Variants in CREB5 observed in about 807,000 individuals in gnomAD.
The protein encoded by CREB5 is cyclic AMP-responsive element-binding protein 5.
In CREB5, 19 loss-of-function variants were observed where a neutral mutation model predicts 57.1. That is an observed-to-expected ratio of 0.33 (90% CI 0.23 to 0.49). The LOEUF is 0.49. Ranked by LOEUF, CREB5 falls within the 20% of genes least tolerant of loss-of-function variation. CREB5 has a pLI of 0.99. For synonymous variants in CREB5, 238 were observed against 238.3 expected (o/e 1.00, Z 0.01); for missense variants, 579 against 671.6 (o/e 0.86, Z 1.52).
At chr7:28,743,924 T>G (rs1324646818) in intron 7 of CREB5, among the ~76,000 whole-genome samples, 2 of 128,592 alleles carry the variant, frequency 1.6e-5, no homozygotes, top group Admixed American at 1.7e-4. Context: ...TATGTATACA[T>G]GTGCCATGCT....
At chr7:28,760,628 G>A (rs549176141) in intron 7 of CREB5, among the ~76,000 whole-genome samples, 2 of 152,040 alleles carry the variant, frequency 1.3e-5, no homozygotes, top group South Asian at 2.1e-4. Flanking sequence ...TATTTATGAA[G>A]AAATATTTCC....
At chr7:28,518,030 G>A (rs1317738993) in intron 4 of CREB5, among the ~76,000 whole-genome samples, 1 of 152,140 alleles carries the variant, frequency 6.6e-6, no homozygotes, top group Non-Finnish European at 1.5e-5. Flanking sequence ...TGTCCCACCT[G>A]CAAGCTTTCC....
At chr7:28,367,577 A>G (rs1364388690) in intron 1 of CREB5, among the ~76,000 whole-genome samples, 1 of 152,188 alleles carries the variant, frequency 6.6e-6, no homozygotes, top group Non-Finnish European at 1.5e-5. Flanking sequence ...TGGGAAGCCG[A>G]GGCGGGTGGA....
intron 8 of CREB5, among the ~76,000 whole-genome samples, chr7:28,808,570 G>A (rs1002770809): frequency 2.0e-5 from 3 of 152,056 alleles, no homozygotes; most frequent in African/African-American, 7.2e-5. Flanking sequence ...ACAAGGTCTT[G>A]CTCTGTTGCC....
intron 5 of CREB5, among the ~76,000 whole-genome samples, chr7:28,613,875 T>G (rs574931832): frequency 6.6e-6 from 1 of 152,320 alleles, no homozygotes; most frequent in South Asian, 2.1e-4. Flanking sequence ...CAGAGAGGCT[T>G]CTTCCAGTTG....
At chr7:28,506,969 A>G (rs1792506111) in intron 3 of CREB5, among the ~76,000 whole-genome samples, 1 of 152,246 alleles carries the variant, frequency 6.6e-6, no homozygotes, top group Admixed American at 6.5e-5. Context: ...CATTTGCAGA[A>G]CATTCTTTTT....
At chr7:28,756,764 T>C (rs1339533072) in intron 7 of CREB5, among the ~76,000 whole-genome samples, 1 of 152,170 alleles carries the variant, frequency 6.6e-6, no homozygotes, top group Non-Finnish European at 1.5e-5. Flanking sequence ...TCAGCCACAA[T>C]GGTGTACTCT....
At chr7:28,600,689 A>C (rs1467648527) in intron 5 of CREB5, among the ~76,000 whole-genome samples, 1 of 152,202 alleles carries the variant, frequency 6.6e-6, no homozygotes, top group Non-Finnish European at 1.5e-5. Flanking sequence ...ATAAAAGTTA[A>C]AATGTGAAAT....
intron 4 of CREB5, among the ~76,000 whole-genome samples, chr7:28,550,359 G>A (rs1794582914): frequency 6.6e-6 from 1 of 152,188 alleles, no homozygotes; most frequent in Non-Finnish European, 1.5e-5. Flanking sequence ...CTGTCTCCCA[G>A]ACCCCTAGAT....
chr7:28,689,429 CTGT>C (rs1801129090), intron 5 of CREB5, among the ~76,000 whole-genome samples: 1 of 152,142 alleles, frequency 6.6e-6, no homozygotes, highest in African/African-American at 2.4e-5. Context: ...GATCGAGCCA[CTGT>C]ACTCCAGCCT....
At chr7:28,327,274 A>G (rs935287496) in intron 1 of CREB5, among the ~76,000 whole-genome samples, 1 of 152,130 alleles carries the variant, frequency 6.6e-6, no homozygotes, top group Non-Finnish European at 1.5e-5. Flanking sequence ...TGCATTAGCC[A>G]TATTCAAGAG....
At chr7:28,677,902 A>AAGAGAGAAAGAG (rs1397239986) in intron 5 of CREB5, among the ~76,000 whole-genome samples, 4 of 151,732 alleles carry the variant, frequency 2.6e-5, no homozygotes, top group South Asian at 4.2e-4. Context: ...AAATGAAAGA[A>AAGAGAGAAAGAG]AGAGAGAAAG....
At chr7:28,609,909 C>T (rs539754900) in intron 5 of CREB5, among the ~76,000 whole-genome samples, 1 of 152,304 alleles carries the variant, frequency 6.6e-6, no homozygotes, top group East Asian at 1.9e-4. Flanking sequence ...GTGTGAGTTA[C>T]TATTGTGAGG....
At chr7:28,797,963 A>AC (rs982500372) in intron 7 of CREB5, among the ~76,000 whole-genome samples, 1 of 151,590 alleles carries the variant, frequency 6.6e-6, no homozygotes, top group African/African-American at 2.4e-5. Context: ...GGAAAGTGAA[A>AC]AAAAAAAGGA....
At chr7:28,656,651 C>A (rs75077608) in intron 5 of CREB5, among the ~76,000 whole-genome samples, 5,969 of 152,278 alleles carry the variant, frequency 0.039, 397 homozygotes, top group African/African-American at 0.14. Context: ...AAGCTCCTGA[C>A]CTCCTCTCTC....
intron 5 of CREB5, among the ~76,000 whole-genome samples, chr7:28,710,300 G>T (rs1802339199): frequency 6.6e-6 from 1 of 152,028 alleles, no homozygotes; most frequent in Non-Finnish European, 1.5e-5. Context: ...GTGATTCCTG[G>T]AATGTCCATT....
intron 1 of CREB5, among the ~76,000 whole-genome samples, chr7:28,325,422 T>G (rs1785573872): frequency 6.7e-6 from 1 of 149,394 alleles, no homozygotes; most frequent in South Asian, 2.1e-4. Flanking sequence ...GCCACTGCAC[T>G]CCAGCCTGGG....
chr7:28,401,613 C>T (rs1454374566), intron 1 of CREB5, among the ~76,000 whole-genome samples: 6 of 152,068 alleles, frequency 3.9e-5, no homozygotes, highest in Non-Finnish European at 7.4e-5. Context: ...CATCCTGTGT[C>T]CAAGTGTTCT....
intron 5 of CREB5, among the ~76,000 whole-genome samples, chr7:28,665,586 G>A (rs1348423765): frequency 6.6e-6 from 1 of 152,024 alleles, no homozygotes; most frequent in African/African-American, 2.4e-5. Context: ...AAGAAAGTAG[G>A]GGGAAAAACA....
Sources: gnomAD v4.1 joint callset for allele counts (sites outside exome capture counted in the v4.1 genomes callset) on GRCh38, gnomAD v4.1.1 for gene constraint, MANE v1.5 for transcripts, NCBI Gene and HGNC (gene_info 2026-07-23, HGNC 2026-07-21) for gene names.